Variants in PDS5B observed in about 807,000 individuals in gnomAD.
The protein encoded by PDS5B is PDS5 cohesin associated factor B, also known as sister chromatid cohesion protein PDS5 homolog B.
Under a neutral mutation model 184.1 loss-of-function variants are expected in PDS5B, and 51 were observed. The observed-to-expected ratio is 0.28, with a 90% CI of 0.22 to 0.35. PDS5B has a LOEUF of 0.35. Among genes scored for constraint, PDS5B ranks in the 10% least tolerant of loss-of-function variants. The pLI is 1.00. For synonymous variants in PDS5B, 566 were observed against 569.2 expected (o/e 0.99, Z 0.08); for missense variants, 1,180 against 1,723.3 (o/e 0.68, Z 5.58).
Position 32,739,224 on chromosome 13 carries a change from C to T in PDS5B, c.2407-1856C>T, listed in dbSNP as rs923402707. On this transcript the variant is annotated intron_variant, in intron 21 of 34. Coordinates refer to ENST00000315596, the MANE Select transcript of PDS5B (RefSeq NM_015032.4). ...TCATTTTTGCTGCATGTTAGGGTTA[C>T]CAAATTTCCCAGCACTGTTTATTAA... Among the ~76,000 whole-genome samples the T allele has an allele frequency of 4.6e-5, 7 of 151,838 alleles. No individual in the cohort carries two copies. In the East Asian group the frequency reaches 1.4e-3, roughly 30 times the overall value.
At chr13:32,610,276 A>T (rs541432738) in intron 1 of PDS5B, among the ~76,000 whole-genome samples, 20 of 152,352 alleles carry the variant, frequency 1.3e-4, no homozygotes, top group African/African-American at 4.6e-4. Flanking sequence ...ACGTATAAAT[A>T]AGAAAGTGCA....
At chr13:32,733,941 T>C (rs1953216274) in intron 20 of PDS5B, among the ~76,000 whole-genome samples, 1 of 150,850 alleles carries the variant, frequency 6.6e-6, no homozygotes. Context: ...TCTCTCCTTA[T>C]GCCAATGGCA....
intron 1 of PDS5B, among the ~76,000 whole-genome samples, chr13:32,600,637 G>C (rs1400309929): frequency 6.6e-6 from 1 of 152,212 alleles, no homozygotes; most frequent in East Asian, 1.9e-4. Flanking sequence ...TGCTTGGGTG[G>C]CTGAGGCAGG....
In PDS5B at chr13:32,667,726, T is replaced by TA; in HGVS notation, c.625-37dup. ...CAGGTAATATTTTGCTTTTCATAGT[T>TA]AGAGATATATAATATAGATATTGTT... On this transcript the variant is annotated intron_variant, in intron 6 of 34. Transcript: ENST00000315596. 4 of 1,264,342 alleles carry TA rather than the reference T, an allele frequency of 3.2e-6. No individual in the cohort carries two copies. In the South Asian group the frequency reaches 4.1e-5, roughly 13 times the overall value. The allele number at this position is 1,264,342 out of a possible 1,614,324, so 78.3% of individuals were successfully genotyped here.
chr13:32,614,297 AT>A (rs34622192), intron 1 of PDS5B, among the ~76,000 whole-genome samples: 60,846 of 136,770 alleles, frequency 0.44, 13,167 homozygotes, highest in Middle Eastern at 0.62. Context: ...TCACATTGGA[AT>A]TTTTTTTTTT....
intron 28 of PDS5B, 61 bp downstream of exon 28, chr13:32,758,714 G>A (rs1362505890): frequency 1.2e-5 from 18 of 1,533,498 alleles, no homozygotes; most frequent in Middle Eastern, 1.7e-4. Flanking sequence ...GCACTGGATT[G>A]TAGGAAGATC....
Position 32,594,623 on chromosome 13 carries a change from A to G in PDS5B, c.-20+8030A>G, listed in dbSNP as rs144806835. Among the ~76,000 whole-genome samples, 37 of 152,352 alleles carry G rather than the reference A, an allele frequency of 2.4e-4. No homozygotes were observed. The East Asian group carries it at 6.6e-3, about 27-fold the overall frequency. ...AGCAACCATTTTGACCAAGTCTTAGATGATGGAAAGATGGGATTTCTGGCT... is the reference window on the plus strand; with the variant it reads ...AGCAACCATTTTGACCAAGTCTTAGGTGATGGAAAGATGGGATTTCTGGCT... On this transcript the variant is annotated intron_variant, in intron 1 of 34. Coordinates refer to ENST00000315596, the MANE Select transcript of PDS5B (RefSeq NM_015032.4).
chr13:32,670,121 C>T (rs772841906), intron 7 of PDS5B, among the ~76,000 whole-genome samples: 1 of 144,150 alleles, frequency 6.9e-6, no homozygotes, highest in African/African-American at 2.5e-5. Context: ...TTCACACATA[C>T]AGACACATTC....
intron 1 of PDS5B, among the ~76,000 whole-genome samples, chr13:32,605,673 A>C (rs147680331): frequency 2.0e-3 from 311 of 152,292 alleles, no homozygotes; most frequent in African/African-American, 7.3e-3. Flanking sequence ...GTGGGGTGTT[A>C]AAGTCTCCCG....
At position 32,602,201 on chromosome 13, in the gene PDS5B, T is replaced by TA. The variant is rs1456187482; in HGVS notation, c.-20+15608_-20+15609insA. Among the ~76,000 whole-genome samples the TA allele has an allele frequency of 9.4e-4, 143 of 152,260 alleles. 1 individual carries two copies. The highest frequency in any genetic ancestry group is 7.9e-3 in the South Asian group (38 of 4,822). On this transcript the variant is annotated intron_variant, in intron 1 of 34. Transcript: ENST00000315596. ...TTGGTGTGCTGCACCTGTTAACTCG[T>TA]CATTTACATTAGGTATATCTCCTAA...
intron 1 of PDS5B, among the ~76,000 whole-genome samples, chr13:32,603,122 G>A (rs1354836838): frequency 1.3e-5 from 2 of 152,150 alleles, no homozygotes; most frequent in Non-Finnish European, 2.9e-5. Context: ...GTCAATTTTG[G>A]CATTTGTTGC....
intron 31 of PDS5B, among the ~76,000 whole-genome samples, chr13:32,769,451 A>G (rs1954703064): frequency 6.6e-6 from 1 of 152,218 alleles, no homozygotes; most frequent in African/African-American, 2.4e-5. Context: ...GAATTTCTTC[A>G]GCCTTCACGC....
At chr13:32,683,737 C>T in intron 10 of PDS5B, 141 bp from the exon 11 acceptor site, 1 of 549,828 alleles carries the variant, frequency 1.8e-6, no homozygotes, top group Non-Finnish European at 3.2e-6. Flanking sequence ...TCTTCCTTCC[C>T]TTTCTTTCTG....
Position 32,616,913 on chromosome 13 carries a change from T to C in PDS5B, c.-20+30320T>C, listed in dbSNP as rs191348020. Among the ~76,000 whole-genome samples, 14 of 152,354 alleles carry C rather than the reference T, an allele frequency of 9.2e-5. No individual in the cohort carries two copies. In the East Asian group the frequency reaches 2.7e-3, roughly 29 times the overall value. ...AAGAATTTTCCTTCTTTTCCTGATT[T>C]TCTCTAAGGGATTAAAGTCAGGAAT... is the stretch of plus-strand genomic sequence containing the variant. On this transcript the variant is annotated intron_variant, in intron 1 of 34. Coordinates refer to ENST00000315596, the MANE Select transcript of PDS5B (RefSeq NM_015032.4).
At chr13:32,710,207 T>C (rs926268387) in intron 19 of PDS5B, 101 bp downstream of exon 19, 2 of 771,072 alleles carry the variant, frequency 2.6e-6, no homozygotes, top group South Asian at 3.8e-5. Context: ...GAGGAAAAAC[T>C]GTCTAGGTTA....
intron 23 of PDS5B, 127 bp from the exon 24 acceptor site, chr13:32,745,850 A>G: frequency 1.4e-6 from 1 of 734,374 alleles, no homozygotes; most frequent in East Asian, 2.7e-5. Context: ...GGGGGACACA[A>G]ACATTCAGAT....
At chr13:32,642,332 T>C (rs1179944297) in intron 1 of PDS5B, among the ~76,000 whole-genome samples, 1 of 152,186 alleles carries the variant, frequency 6.6e-6, no homozygotes, top group Non-Finnish European at 1.5e-5. Flanking sequence ...ATAAATGTTA[T>C]ATGCTACTTT....
chr13:32,695,168 C>G (rs553627969), intron 14 of PDS5B, among the ~76,000 whole-genome samples: 98 of 151,672 alleles, frequency 6.5e-4, no homozygotes, highest in Non-Finnish European at 1.2e-3. Flanking sequence ...TTTTTTAAAC[C>G]TTCAGATCAC....
chr13:32,615,568 G>T (rs575951938), intron 1 of PDS5B, among the ~76,000 whole-genome samples: 196 of 152,198 alleles, frequency 1.3e-3, no homozygotes, highest in Non-Finnish European at 2.3e-3. Context: ...TAGTTGTGTC[G>T]TTTTTATAAT....
Sources: allele counts gnomAD v4.1 joint callset (sites outside exome capture counted in the v4.1 genomes callset), GRCh38; gene constraint gnomAD v4.1.1; transcripts MANE v1.5; gene names NCBI Gene and HGNC (gene_info 2026-07-23, HGNC 2026-07-21).